Variants in PCDH17 observed in about 807,000 individuals in gnomAD.
The protein encoded by PCDH17 is protocadherin 17, also known as protocadherin-17.
PCDH17 carries 21 observed loss-of-function variants against 67.7 expected under a neutral mutation model. The ratio of observed to expected loss-of-function variants is 0.31; its 90% CI spans 0.22 to 0.45. The LOEUF is 0.45. Ranked by LOEUF, PCDH17 falls within the 20% of genes least tolerant of loss-of-function variation. The pLI is 1.00. For missense variants in PCDH17, 1,471 were observed against 1,564.8 expected, an observed-to-expected ratio of 0.94 and a Z score of 1.01; for synonymous variants, 701 against 656.7, an observed-to-expected ratio of 1.07 and a Z score of -1.03.
intron 1 of PCDH17, among the ~76,000 whole-genome samples, chr13:57,660,142 C>T (rs1955166127): frequency 6.6e-6 from 1 of 152,090 alleles, no homozygotes; most frequent in Non-Finnish European, 1.5e-5. Flanking sequence ...ATTACTTGCG[C>T]GGCTGAGGCA....
At chr13:57,696,994 A>AT (rs1955616267) in intron 3 of PCDH17, among the ~76,000 whole-genome samples, 1 of 151,474 alleles carries the variant, frequency 6.6e-6, no homozygotes, top group East Asian at 1.9e-4. Context: ...TTTTTTTTGT[A>AT]TTTTTAAGTA....
intron 3 of PCDH17, among the ~76,000 whole-genome samples, chr13:57,684,248 T>C (rs1051699451): frequency 1.3e-5 from 2 of 151,882 alleles, no homozygotes; most frequent in Admixed American, 6.6e-5. Flanking sequence ...CCTCCTAGAT[T>C]TGTTCTTATG....
chr13:57,665,380 AG>A (rs1216878127), intron 1 of PCDH17, among the ~76,000 whole-genome samples: 1 of 152,128 alleles, frequency 6.6e-6, no homozygotes, highest in African/African-American at 2.4e-5. Context: ...TATGGGAAGA[AG>A]AAAAAAAGAA....
chr13:57,656,750 T>G (rs926956527), intron 1 of PCDH17, among the ~76,000 whole-genome samples: 1 of 152,094 alleles, frequency 6.6e-6, no homozygotes, highest in Non-Finnish European at 1.5e-5. Context: ...CTACACTGCC[T>G]CTGGAATAAA....
At chr13:57,697,624 G>T (rs936374236) in intron 3 of PCDH17, among the ~76,000 whole-genome samples, 10 of 151,604 alleles carry the variant, frequency 6.6e-5, no homozygotes, top group Non-Finnish European at 1.3e-4. Context: ...GGATAAGAAT[G>T]ACTGTCATTA....
chr13:57,642,006 T>G (rs1954912011), intron 1 of PCDH17, among the ~76,000 whole-genome samples: 1 of 151,616 alleles, frequency 6.6e-6, no homozygotes, highest in Non-Finnish European at 1.5e-5. Context: ...GAAATTTACT[T>G]TATTTCAGTT....
At chr13:57,667,773 AT>A (rs1955272127) in intron 3 of PCDH17, among the ~76,000 whole-genome samples, 5 of 150,714 alleles carry the variant, frequency 3.3e-5, no homozygotes, top group African/African-American at 4.8e-5. Flanking sequence ...GTTCTATTAT[AT>A]ATATACCTCA....
chr13:57,650,668 A>G (rs1437335887), intron 1 of PCDH17, among the ~76,000 whole-genome samples: 1 of 152,160 alleles, frequency 6.6e-6, no homozygotes, highest in Non-Finnish European at 1.5e-5. Flanking sequence ...AAAAATTCTT[A>G]TATATTGCAA....
At position 57,657,003 on chromosome 13, in the gene PCDH17, CTTAAT is replaced by C. The variant is rs981036916; in HGVS notation, c.2566-9457_2566-9453del. The stretch of plus-strand genomic sequence containing the variant: ...TTCATAGATAACAAATAGCGCTCAT[CTTAAT>C]TTAATTTTAACTTTTTGATAATCTC... On this transcript the variant is annotated intron_variant, in intron 1 of 3. Transcript: ENST00000377918. 2.0e-5 allele frequency among the ~76,000 whole-genome samples: 3 copies of C among 152,236 alleles called. No individual in the cohort carries two copies. In the East Asian group the frequency reaches 5.8e-4, roughly 29 times the overall value.
intron 1 of PCDH17, among the ~76,000 whole-genome samples, chr13:57,658,352 C>T (rs1238789382): frequency 1.3e-5 from 2 of 152,030 alleles, no homozygotes; most frequent in Non-Finnish European, 2.9e-5. Context: ...TCAAAATTAA[C>T]GTGAGGCAAG....
chr13:57,685,894 TG>T (rs1785154982), intron 3 of PCDH17, among the ~76,000 whole-genome samples: 1 of 151,836 alleles, frequency 6.6e-6, no homozygotes, highest in South Asian at 2.1e-4. Flanking sequence ...AAGACCAACC[TG>T]GGCAACACAG....
At chr13:57,709,189 A>G (rs1955750699) in intron 3 of PCDH17, among the ~76,000 whole-genome samples, 1 of 151,604 alleles carries the variant, frequency 6.6e-6, no homozygotes, top group African/African-American at 2.4e-5. Context: ...AATTACAAAT[A>G]GTGTCTTGTT....
At chr13:57,655,148 T>C (rs1348717185) in intron 1 of PCDH17, among the ~76,000 whole-genome samples, 1 of 151,986 alleles carries the variant, frequency 6.6e-6, no homozygotes, top group Non-Finnish European at 1.5e-5. Flanking sequence ...GTCCATTTCA[T>C]CTTGAACTTC....
At chr13:57,646,330 TTAATC>T (rs1456085794) in intron 1 of PCDH17, among the ~76,000 whole-genome samples, 3 of 151,656 alleles carry the variant, frequency 2.0e-5, no homozygotes, top group Non-Finnish European at 4.4e-5. Context: ...TCAGAGGTGT[TTAATC>T]TATAATTATT....
At chr13:57,646,051 A>G (rs1162349245) in intron 1 of PCDH17, among the ~76,000 whole-genome samples, 1 of 151,556 alleles carries the variant, frequency 6.6e-6, no homozygotes, top group African/African-American at 2.4e-5. Flanking sequence ...GATTACATTT[A>G]TTTTTATTTT....
At position 57,668,172 on chromosome 13, in the gene PCDH17, T is replaced by G. The variant is rs1955278866; in HGVS notation, c.2797+1339T>G. Among the ~76,000 whole-genome samples the G allele has an allele frequency of 2.0e-5, 3 of 152,150 alleles. 1 individual carries two copies. Among genetic ancestry groups the G allele is most frequent in the South Asian group, 4.1e-4 (2 of 4,830 alleles). ...AATTTATATGTTTACTTGACGTGAC[T>G]TAAATGGTCATGATGGGTTGTAGCT... On this transcript the variant is annotated intron_variant, in intron 3 of 3. Coordinates refer to ENST00000377918, the MANE Select transcript of PCDH17 (RefSeq NM_001040429.3).
intron 1 of PCDH17, among the ~76,000 whole-genome samples, chr13:57,642,178 A>G (rs1362341878): frequency 6.6e-6 from 1 of 151,740 alleles, no homozygotes; most frequent in African/African-American, 2.4e-5. Context: ...TGTCTGAACA[A>G]TATTTAACAC....
intron 1 of PCDH17, among the ~76,000 whole-genome samples, chr13:57,660,207 C>T (rs1159012508): frequency 6.6e-6 from 1 of 152,180 alleles, no homozygotes; most frequent in Non-Finnish European, 1.5e-5. Context: ...GATCACCCCA[C>T]TGCACTCCAG....
At chr13:57,708,666 C>A (rs1311992928) in intron 3 of PCDH17, among the ~76,000 whole-genome samples, 3 of 151,900 alleles carry the variant, frequency 2.0e-5, no homozygotes, top group Non-Finnish European at 4.4e-5. Context: ...GAGAAAAAAA[C>A]CATTTGAGCT....
Sources: gnomAD v4.1 joint callset for allele counts (sites outside exome capture counted in the v4.1 genomes callset) on GRCh38, gnomAD v4.1.1 for gene constraint, MANE v1.5 for transcripts, NCBI Gene and HGNC (gene_info 2026-07-23, HGNC 2026-07-21) for gene names.